The following ZFYVE28 variants were observed in gnomAD, a reference collection of about 807,000 sequenced individuals.
ZFYVE28 encodes the protein zinc finger FYVE-type containing 28.
Under a neutral mutation model 82.1 loss-of-function variants are expected in ZFYVE28, and 40 were observed. That is an observed-to-expected ratio of 0.49 (90% confidence interval 0.38 to 0.63). The LOEUF (loss-of-function observed/expected upper bound fraction) is 0.63, where lower values mean the gene tolerates loss of function less well. ZFYVE28 is among the 30% of genes least tolerant of loss of function. The probability of loss-of-function intolerance (pLI) is 0.00; values close to 1 mark genes in which losing one functional copy is unlikely to be tolerated. For synonymous variants in ZFYVE28, 612 were observed against 546.1 expected (o/e 1.12, Z -1.68); for missense variants, 1,321 against 1,242.1 (o/e 1.06, Z -0.96).
At chr4:2,367,111 C>T (rs999878719) in intron 1 of ZFYVE28, among the ~76,000 whole-genome samples, 1 of 152,226 alleles carries the variant, frequency 6.6e-6, no homozygotes, top group African/African-American at 2.4e-5. Context: ...ACTGCACAGC[C>T]TCTCTGTCGC....
chr4:2,417,636 G>A lies in ZFYVE28; in HGVS notation c.39+649C>T, dbSNP rs10011146. 0.021 allele frequency among the ~76,000 whole-genome samples: 3,123 copies of A among 152,166 alleles called. 86 individuals are homozygous for A. The highest frequency in any genetic ancestry group is 0.066 in the African/African-American group (2,722 of 41,542). ...CAAGGATAGGGACAAGGGAGGGGAC[G>A]CGAACTGGGCCGAGGTGTGGGTCAG... On this transcript the variant is annotated intron_variant, in intron 1 of 12. Coordinates refer to ENST00000290974, the MANE Select transcript of ZFYVE28 (RefSeq NM_020972.3). This position sits in a 1 kb window ranked among gnomAD's most constrained non-coding sequence, Gnocchi z 4.8.
intron 7 of ZFYVE28, among the ~76,000 whole-genome samples, chr4:2,308,719 G>GAA (rs1472554657): frequency 2.1e-5 from 3 of 141,782 alleles, no homozygotes; most frequent in Non-Finnish European, 4.6e-5. Context: ...GAAAAGAAAA[G>GAA]AAAGAAAAAA....
At position 2,308,421 on chromosome 4, in the gene ZFYVE28, T is replaced by C. The variant is rs1716900937; in HGVS notation, c.804-2885A>G. ...ATTGAGAGTAGAACAGACAACGTTC[T>C]GCTGCTGCTTGGCTATTCCAGGCCC... is the stretch of plus-strand genomic sequence containing the variant. On this transcript the variant is annotated intron_variant, in intron 7 of 12. Coordinates refer to ENST00000290974, the MANE Select transcript of ZFYVE28 (RefSeq NM_020972.3). Among the ~76,000 whole-genome samples, 4 of 150,390 alleles carry C rather than the reference T, an allele frequency of 2.7e-5. No individual in the cohort carries two copies. In the South Asian group the frequency reaches 8.4e-4, roughly 32 times the overall value.
At chr4:2,273,732 CCAG>C (rs1399367379) in intron 9 of ZFYVE28, among the ~76,000 whole-genome samples, 1 of 152,216 alleles carries the variant, frequency 6.6e-6, no homozygotes, top group Non-Finnish European at 1.5e-5. Flanking sequence ...GCACAGCCCC[CCAG>C]CAGCCTACGT....
intron 8 of ZFYVE28, chr4:2,285,284 A>G (rs1430548989): frequency 6.6e-6 from 1 of 152,252 alleles, no homozygotes; most frequent in Non-Finnish European, 1.5e-5. Context: ...TGACACCTTG[A>G]TCTCGACTTC....
chr4:2,294,664 G>C (rs781509851), intron 8 of ZFYVE28, among the ~76,000 whole-genome samples: 2 of 152,182 alleles, frequency 1.3e-5, no homozygotes, highest in Non-Finnish European at 2.9e-5. Flanking sequence ...GACAAGACAA[G>C]ATTGGGAGAA....
intron 1 of ZFYVE28, among the ~76,000 whole-genome samples, chr4:2,384,658 G>A (rs1578335636): frequency 6.6e-6 from 1 of 152,114 alleles, no homozygotes; most frequent in African/African-American, 2.4e-5. Context: ...GGTGGGGAGG[G>A]AAACAGCCTT....
In ZFYVE28 at chr4:2,270,551, C is replaced by A. The variant is rs1735816034; in HGVS notation, c.*174G>T. ...TTGGCCCCTGCAGCCGGCCCGGGGT[C>A]CCTGCAGGGAGGCTAGCGTGGGCAG... On this transcript the variant is annotated 3_prime_UTR_variant, in exon 13 of 13. Coordinates refer to ENST00000290974, the MANE Select transcript of ZFYVE28 (RefSeq NM_020972.3). 1.1e-6 allele frequency: 1 copy of A among 951,768 alleles called. No individual in the cohort carries two copies. Among genetic ancestry groups the A allele is most frequent in the South Asian group, 1.7e-5 (1 of 58,484 alleles). The allele number at this position is 951,768 out of a possible 1,614,324, so 59.0% of individuals were successfully genotyped here.
At position 2,341,486 on chromosome 4, in the gene ZFYVE28, C is replaced by A; in HGVS notation, c.310G>T (p.Gly104Cys). Residue 104 changes from glycine (G) to cysteine (C), a missense_variant, in exon 3 of 13, where the codon GGT (glycine) becomes TGT (cysteine). By Grantham distance (159) the Gly-to-Cys change is radical. This residue lies in a region of ZFYVE28 where 343 missense variants were observed against 408.4 expected (regional missense o/e 0.84). Transcript: ENST00000290974. This position sits in a 1 kb window ranked among gnomAD's most constrained non-coding sequence, Gnocchi z 4.5. Reference sequence around the variant, plus strand: ...GGGTGGCCACCCGCTACCTCGGCACCGAACCACAGCTGGCCGGCCAGGTTG... The same window carrying A: ...GGGTGGCCACCCGCTACCTCGGCACAGAACCACAGCTGGCCGGCCAGGTTG... ...HDNLAGQLWF[G>C]AECLAAGSII... 6.2e-7 allele frequency: 1 copy of A among 1,613,324 alleles called. No individual in the cohort carries two copies. The highest frequency in any genetic ancestry group is 8.5e-7 in the Non-Finnish European group (1 of 1,179,974).
rs1722426266 is a variant in ZFYVE28, at chr4:2,339,588, T to C, written c.386A>G (p.Lys129Arg). Residue 129 changes from lysine (K) to arginine (R), a missense_variant, in exon 4 of 13, where the codon AAG (lysine) becomes AGG (arginine). Coordinates refer to ENST00000290974, the MANE Select transcript of ZFYVE28 (RefSeq NM_020972.3). This position sits in a 1 kb window ranked among gnomAD's most constrained non-coding sequence, Gnocchi z 5.0. ...LESMAMRPLA[K>R]ELTRSLEDVR... ...GTCCTCCAGGCTGCGCGTCAGCTCC[T>C]TGGCCAGCGGGCGCATGGCCATGCT... 2 of 1,612,156 alleles carry C rather than the reference T, an allele frequency of 1.2e-6. No homozygotes were observed. Among genetic ancestry groups the C allele is most frequent in the African/African-American group, 2.7e-5 (2 of 74,896 alleles).
At chr4:2,297,220 A>G (rs762549184) in intron 8 of ZFYVE28, among the ~76,000 whole-genome samples, 7 of 152,232 alleles carry the variant, frequency 4.6e-5, no homozygotes, top group Non-Finnish European at 8.8e-5. Context: ...GCTGGGGGCC[A>G]CAGGACCCTC....
chr4:2,399,460 C>T (rs1041223109), intron 1 of ZFYVE28, among the ~76,000 whole-genome samples: 5 of 152,194 alleles, frequency 3.3e-5, no homozygotes, highest in Non-Finnish European at 7.3e-5. Flanking sequence ...TGCCCCCAAC[C>T]ATGTCCCCAA....
At chr4:2,330,218 G>T in intron 6 of ZFYVE28, 1 of 927,302 alleles carries the variant, frequency 1.1e-6, no homozygotes, top group Non-Finnish European at 1.3e-6. Context: ...AATTCTGAAT[G>T]TACCAAAAAC....
Position 2,354,038 on chromosome 4 carries a change from A to G in ZFYVE28, c.75T>C (p.Tyr25=), listed in dbSNP as rs202230886. 5 of 1,578,188 alleles carry G rather than the reference A, an allele frequency of 3.2e-6. No individual in the cohort carries two copies. The Admixed American group carries it at 5.4e-5, about 17-fold the overall frequency. ...CCACCTGGTTCAGCTCCTCGTCGGCATAGTAGAACCGGGCAAGCAGCTGCG... is the reference window on the plus strand; with the variant it reads ...CCACCTGGTTCAGCTCCTCGTCGGCGTAGTAGAACCGGGCAAGCAGCTGCG... ...SDPQLLARFY[Y]ADEELNQVAA... Residue 25 remains tyrosine (Y), a synonymous_variant, in exon 2 of 13, where the codon TAT becomes TAC. Transcript: ENST00000290974.
At position 2,304,468 on chromosome 4, in the gene ZFYVE28, C is replaced by T; in HGVS notation, c.1872G>A (p.Arg624=). 1.2e-6 allele frequency: 2 copies of T among 1,613,454 alleles called. No homozygotes were observed. The highest frequency in any genetic ancestry group is 1.3e-5 in the African/African-American group (1 of 75,068). ...TGTCGGAAGTGGGGGCTTTGGGCTC[C>T]CGCCCGTTGGAGGCATCTTCTGAGG... ...PPPSEDASNG[R]EPKAPTSDKC... Residue 624 remains arginine, a synonymous_variant, in exon 8 of 13, where the codon CGG becomes CGA. Coordinates refer to ENST00000290974, the MANE Select transcript of ZFYVE28 (RefSeq NM_020972.3).
chr4:2,357,492 A>C (rs972048088), intron 1 of ZFYVE28, among the ~76,000 whole-genome samples: 1 of 152,098 alleles, frequency 6.6e-6, no homozygotes, highest in African/African-American at 2.4e-5. Flanking sequence ...CCTGACACCC[A>C]CCTCAGGCAT....
chr4:2,309,337 G>A (rs893062650), intron 7 of ZFYVE28, among the ~76,000 whole-genome samples: 1 of 152,146 alleles, frequency 6.6e-6, no homozygotes, highest in South Asian at 2.1e-4. Flanking sequence ...AGAATCATGA[G>A]CTAAACGAAC....
In ZFYVE28 at chr4:2,354,056, C is replaced by A. The variant is rs1482840581; in HGVS notation, c.57G>T (p.Leu19=). The stretch of plus-strand genomic sequence containing the variant: ...CGTCGGCATAGTAGAACCGGGCAAG[C>A]AGCTGCGGATCCGACCTCTGCAGGA... The part of the protein sequence containing the change: ...LYKPKRSDPQ[L]LARFYYADEE... The change falls in exon 2 of 13, where the codon CTG becomes CTT. Residue 19 remains leucine (L), a synonymous_variant. Transcript: ENST00000290974. 5 of 1,570,506 alleles carry A rather than the reference C, an allele frequency of 3.2e-6. No individual in the cohort carries two copies. Among genetic ancestry groups the A allele is most frequent in the Non-Finnish European group, 3.5e-6 (4 of 1,158,032 alleles).
At chr4:2,342,244 A>C (rs895410829) in intron 2 of ZFYVE28, among the ~76,000 whole-genome samples, 2 of 152,236 alleles carry the variant, frequency 1.3e-5, no homozygotes, top group Non-Finnish European at 2.9e-5. Context: ...ACAGCAACGC[A>C]TAAGTCAGTC....
Sources: allele counts gnomAD v4.1 joint callset (sites outside exome capture counted in the v4.1 genomes callset), GRCh38; gene constraint gnomAD v4.1.1; regional missense constraint gnomAD v4.1.1; non-coding constraint Gnocchi (gnomAD v3.1); transcripts MANE v1.5; gene names NCBI Gene and HGNC (gene_info 2026-07-23, HGNC 2026-07-21).